Variants in RIC1 observed in about 807,000 individuals in gnomAD.
RIC1 encodes guanine nucleotide exchange factor subunit RIC1.
RIC1 carries 88 observed loss-of-function variants against 169.0 expected under a neutral mutation model. The observed-to-expected ratio is 0.52, with a 90% CI of 0.44 to 0.62. The LOEUF (loss-of-function observed/expected upper bound fraction) is 0.62. Among genes scored for constraint, RIC1 ranks in the 20% least tolerant of loss-of-function variants. RIC1 has a pLI of 0.00. For missense variants in RIC1, 1,877 were observed against 1,725.5 expected (o/e 1.09, Z -1.56); for synonymous variants, 790 against 601.5 (o/e 1.31, Z -4.59).
At chr9:5,768,869 C>T in intron 21 of RIC1, 101 bp from the exon 22 acceptor site, 1 of 1,258,408 alleles carries the variant, frequency 7.9e-7, no homozygotes, top group East Asian at 2.3e-5. Context: ...GATCTTGGAT[C>T]TCTTATCTCC....
chr9:5,640,112 T>C (rs1222705055), intron 1 of RIC1, among the ~76,000 whole-genome samples: 1 of 152,174 alleles, frequency 6.6e-6, no homozygotes, highest in Non-Finnish European at 1.5e-5. Context: ...TTTTGATATA[T>C]ATTTTCTGGT....
At chr9:5,666,303 TG>T (rs1170018951) in intron 2 of RIC1, among the ~76,000 whole-genome samples, 1 of 152,214 alleles carries the variant, frequency 6.6e-6, no homozygotes, top group Non-Finnish European at 1.5e-5. Context: ...CCTACGACTT[TG>T]CTAACTTTAT....
In RIC1 at chr9:5,764,000, T is replaced by C; in HGVS notation, c.2841+132T>C. The C allele has an allele frequency of 2.0e-6, 2 of 1,013,520 alleles. No homozygotes were observed. The highest frequency in any genetic ancestry group is 2.9e-6 in the Non-Finnish European group (2 of 701,632). The allele number at this position is 1,013,520 out of a possible 1,614,324, so 62.8% of individuals were successfully genotyped here. ...AAATTTTCTGTTTATATCTTTAATT[T>C]GGAAGAATTCAGACAGATTCCTTTG... On this transcript the variant is annotated intron_variant, in intron 19 of 25. Coordinates refer to ENST00000414202, the MANE Select transcript of RIC1 (RefSeq NM_020829.4). This position sits in a 1 kb window ranked among gnomAD's most constrained non-coding sequence, Gnocchi z 5.2.
In RIC1 at chr9:5,774,453, T is replaced by A. The variant is rs572307920; in HGVS notation, c.*207T>A. Reference sequence around the variant, plus strand: ...ATAAAGCATCTTTCATAAAAAAATTTTAAGCTGCAGTGAAAAGTAAATATT... The same window carrying A: ...ATAAAGCATCTTTCATAAAAAAATTATAAGCTGCAGTGAAAAGTAAATATT... On this transcript the variant is annotated 3_prime_UTR_variant, in exon 26 of 26. Transcript: ENST00000414202. 6.6e-6 allele frequency: 3 copies of A among 455,734 alleles called. No homozygotes were observed. The East Asian group carries it at 1.0e-4, about 15-fold the overall frequency. 28.2% of individuals were successfully genotyped at this position (455,734 alleles called of 1,614,324 possible).
chr9:5,723,082 T>C (rs1047866863), intron 6 of RIC1, among the ~76,000 whole-genome samples: 4 of 152,240 alleles, frequency 2.6e-5, no homozygotes, highest in African/African-American at 4.8e-5. Flanking sequence ...AGTAATGGGA[T>C]GGCTGGATCA....
In RIC1 at chr9:5,756,227, C is replaced by T. The variant is rs1385159254; in HGVS notation, c.1708C>T (p.Arg570Ter). ...TTTTCTTCAGCTTAGAGTATACTTG[C>T]GAACATCAAATCTGGACAATGCCTT... ...DRQEELRVYLRTSNLDNAFAH... is the reference protein window; with the variant it reads ...DRQEELRVYL Residue 570 changes from arginine (R) to a stop codon, truncating the protein, a stop_gained, in exon 16 of 26, where the codon CGA becomes TGA. Coordinates refer to ENST00000414202, the MANE Select transcript of RIC1 (RefSeq NM_020829.4). LOFTEE classifies it high-confidence loss of function. 1 of 1,567,144 alleles carries T rather than the reference C, an allele frequency of 6.4e-7. No homozygotes were observed. Among genetic ancestry groups the T allele is most frequent in the Non-Finnish European group, 8.7e-7 (1 of 1,152,856 alleles).
chr9:5,637,424 G>T (rs980060901), intron 1 of RIC1, among the ~76,000 whole-genome samples: 2 of 151,990 alleles, frequency 1.3e-5, no homozygotes, highest in African/African-American at 4.8e-5. Context: ...TGAAAAATAG[G>T]GTATTCATCC....
At chr9:5,640,315 G>A (rs914139938) in intron 1 of RIC1, among the ~76,000 whole-genome samples, 1 of 152,080 alleles carries the variant, frequency 6.6e-6, no homozygotes, top group South Asian at 2.1e-4. Context: ...ACTTAACACT[G>A]ATTGTATAAG....
At position 5,720,700 on chromosome 9, in the gene RIC1, G is replaced by A; in HGVS notation, c.670G>A (p.Asp224Asn). Residue 224 changes from aspartate to asparagine, a missense_variant, in exon 6 of 26, where the codon GAT becomes AAT. Asp to Asn is a conservative substitution (Grantham distance 23). This residue lies in a region of RIC1 where 1,104 missense variants were observed against 992.0 expected (regional missense o/e 1.11). Coordinates refer to ENST00000414202, the MANE Select transcript of RIC1 (RefSeq NM_020829.4). ...TLDGFAVVFNDGKVGFITPVS... is the reference protein window; with the variant it reads ...TLDGFAVVFNNGKVGFITPVS... Reference sequence around the variant, plus strand: ...TGATGGGTTTGCTGTTGTATTTAATGATGGTAAAGTTGGATTTATTACACC... The same window carrying A: ...TGATGGGTTTGCTGTTGTATTTAATAATGGTAAAGTTGGATTTATTACACC... The A allele has an allele frequency of 6.2e-7, 1 of 1,612,514 alleles. No homozygotes were observed. The highest frequency in any genetic ancestry group is 8.5e-7 in the Non-Finnish European group (1 of 1,179,128).
chr9:5,736,204 C>T (rs2130944525), intron 7 of RIC1, among the ~76,000 whole-genome samples: 1 of 152,306 alleles, frequency 6.6e-6, no homozygotes, highest in Non-Finnish European at 1.5e-5. Flanking sequence ...ACACCTGCTA[C>T]CCACTTAGTG....
chr9:5,642,780 G>A (rs1162567237), intron 1 of RIC1, among the ~76,000 whole-genome samples: 1 of 115,458 alleles, frequency 8.7e-6, no homozygotes, highest in Non-Finnish European at 1.7e-5. Flanking sequence ...TTTATTTGGA[G>A]TTTACTGTGG....
At chr9:5,633,775 A>T (rs914863804) in intron 1 of RIC1, among the ~76,000 whole-genome samples, 1 of 152,144 alleles carries the variant, frequency 6.6e-6, no homozygotes, top group Non-Finnish European at 1.5e-5. Context: ...TCAAGTATAC[A>T]ATATATGTTA....
intron 6 of RIC1, among the ~76,000 whole-genome samples, chr9:5,722,103 G>T (rs1823630743): frequency 6.6e-6 from 1 of 151,582 alleles, no homozygotes; most frequent in Non-Finnish European, 1.5e-5. Flanking sequence ...GGTCAGGCTG[G>T]TCTTGACCTA....
chr9:5,714,538 A>G (rs1479598947), intron 4 of RIC1, among the ~76,000 whole-genome samples: 1 of 152,176 alleles, frequency 6.6e-6, no homozygotes, highest in Admixed American at 6.5e-5. Flanking sequence ...TTGTTCCACT[A>G]TTGATGTTTT....
chr9:5,725,520 AT>A (rs1200210093), intron 6 of RIC1, among the ~76,000 whole-genome samples: 15 of 151,742 alleles, frequency 9.9e-5, no homozygotes, highest in Admixed American at 9.8e-4. Flanking sequence ...TCCTGCATTC[AT>A]TGATTTTTTT....
chr9:5,702,338 G>C (rs1801405299), intron 3 of RIC1, among the ~76,000 whole-genome samples: 1 of 152,094 alleles, frequency 6.6e-6, no homozygotes, highest in Non-Finnish European at 1.5e-5. Context: ...AATTTATAAA[G>C]AAAAGAGGTT....
Position 5,762,510 on chromosome 9 carries a change from A to T in RIC1, c.1993-31A>T, listed in dbSNP as rs781569600. 60 of 1,612,236 alleles carry T rather than the reference A, an allele frequency of 3.7e-5. 1 individual carries two copies. In the Admixed American group the frequency reaches 9.9e-4, roughly 27 times the overall value. ...GCGGAAAGCATACCGATACAGAAGT[A>T]TGAATTTAGCTGCTTTTTCTTAAAT... On this transcript the variant is annotated intron_variant, in intron 17 of 25. Coordinates refer to ENST00000414202, the MANE Select transcript of RIC1 (RefSeq NM_020829.4).
Position 5,753,517 on chromosome 9 carries a change from T to A in RIC1, c.1492-19T>A. The A allele has an allele frequency of 6.8e-7, 1 of 1,472,634 alleles. No homozygotes were observed. The highest frequency in any genetic ancestry group is 1.2e-5 in the South Asian group (1 of 82,316). 91.2% of individuals were successfully genotyped at this position (1,472,634 alleles called of 1,614,324 possible). ...ATATAGGTTTGCAAGGAAAAGTTCTTATTTTTTTTTTTAAACAGTTTTCAG... is the reference window on the plus strand; with the variant it reads ...ATATAGGTTTGCAAGGAAAAGTTCTAATTTTTTTTTTTAAACAGTTTTCAG... On this transcript the variant is annotated intron_variant, in intron 13 of 25. Coordinates refer to ENST00000414202, the MANE Select transcript of RIC1 (RefSeq NM_020829.4).
At chr9:5,703,897 T>G (rs74839027) in intron 3 of RIC1, among the ~76,000 whole-genome samples, 3,185 of 152,314 alleles carry the variant, frequency 0.021, 127 homozygotes, top group African/African-American at 0.072. Flanking sequence ...CAATTATTTT[T>G]GGGTATATAC....
Sources: allele counts gnomAD v4.1 joint callset (sites outside exome capture counted in the v4.1 genomes callset), GRCh38; gene constraint gnomAD v4.1.1; regional missense constraint gnomAD v4.1.1; non-coding constraint Gnocchi (gnomAD v3.1); transcripts MANE v1.5; gene names NCBI Gene and HGNC (gene_info 2026-07-23, HGNC 2026-07-21).